WDR3: variants seen among roughly 807,000 people sequenced by gnomAD.
WDR3 encodes the protein WD repeat domain 3.
A neutral mutation model predicts 123.7 loss-of-function variants in WDR3; 81 were observed. The observed-to-expected ratio is 0.65, with a 90% CI of 0.55 to 0.79. The LOEUF (loss-of-function observed/expected upper bound fraction) is 0.79, where lower values mean the gene tolerates loss of function less well. WDR3 is among the 30% of genes least tolerant of loss of function. The pLI is 0.00. For missense variants in WDR3, 1,027 were observed against 1,123.2 expected (o/e 0.91, Z 1.22); for synonymous variants, 390 against 388.8 (o/e 1.00, Z -0.04).
In WDR3 at chr1:117,933,343, A is replaced by G; in HGVS notation, c.24A>G (p.Leu8=). The change falls in exon 2 of 27, where the codon CTA becomes CTG. Residue 8 remains leucine (L), a synonymous_variant. Coordinates refer to ENST00000349139, the MANE Select transcript of WDR3 (RefSeq NM_006784.3). ...ACATGGGGCTCACCAAGCAGTACCT[A>G]CGCTATGTTGCTAGTGCGGTCTTTG... MGLTKQY[L]RYVASAVFGV... 6.2e-7 allele frequency: 1 copy of G among 1,614,222 alleles called. No individual in the cohort carries two copies. Among genetic ancestry groups the G allele is most frequent in the Non-Finnish European group, 8.5e-7 (1 of 1,180,030 alleles).
chr1:117,959,227 C>T (rs1652672143), intron 26 of WDR3, 65 bp from the exon 27 acceptor site: 3 of 1,553,316 alleles, frequency 1.9e-6, no homozygotes, highest in African/African-American at 2.8e-5. Context: ...CCCTAACTCT[C>T]ATACGCTGCT....
In WDR3 at chr1:117,938,564, T is replaced by TGTAG. The variant is rs1342084942; in HGVS notation, c.579+8_579+11dup. ...TGGTTGGCCACCGGACTGAGGTAAG[T>TGTAG]GTAGGGTCATGGGCCCAGGGAAATA... On this transcript the variant is annotated splice_region_variant and intron_variant, in intron 5 of 26. Transcript: ENST00000349139. 1.2e-6 allele frequency: 2 copies of TGTAG among 1,612,498 alleles called. No individual in the cohort carries two copies. The highest frequency in any genetic ancestry group is 3.3e-5 in the Admixed American group (2 of 59,920).
intron 15 of WDR3, among the ~76,000 whole-genome samples, chr1:117,950,405 T>C (rs1002884451): frequency 3.9e-5 from 6 of 152,182 alleles, no homozygotes; most frequent in African/African-American, 1.4e-4. Context: ...TATAAGAGCA[T>C]TGCTAGGTGT....
intron 12 of WDR3, 144 bp from the exon 13 acceptor site, chr1:117,948,261 A>G: frequency 1.5e-6 from 1 of 655,846 alleles, no homozygotes; most frequent in Non-Finnish European, 2.7e-6. Context: ...GGAAATACAG[A>G]ACATGGAATG....
chr1:117,941,714 C>T, intron 8 of WDR3, 36 bp from the exon 9 acceptor site: 4 of 1,585,700 alleles, frequency 2.5e-6, no homozygotes, highest in Non-Finnish European at 3.4e-6. Context: ...TACAAATTAC[C>T]TCTCCTTGAC....
chr1:117,942,889 GTT>G (rs751258995), intron 10 of WDR3, among the ~76,000 whole-genome samples: 3,551 of 116,750 alleles, frequency 0.03, 149 homozygotes, highest in African/African-American at 0.1. Flanking sequence ...TCTGAGCCTA[GTT>G]TTTTTTTTTT....
At chr1:117,938,868 C>T (rs929196319) in intron 5 of WDR3, among the ~76,000 whole-genome samples, 11 of 152,098 alleles carry the variant, frequency 7.2e-5, no homozygotes, top group South Asian at 4.1e-4. Flanking sequence ...CAGCACCTAG[C>T]TTATTGACAG....
Position 117,952,359 on chromosome 1 carries a change from A to G in WDR3, c.1967A>G (p.Lys656Arg), listed in dbSNP as rs1301894390. The G allele has an allele frequency of 3.1e-6, 5 of 1,613,508 alleles. No homozygotes were observed. Among genetic ancestry groups the G allele is most frequent in the Non-Finnish European group, 4.2e-6 (5 of 1,179,574 alleles). Residue 656 changes from lysine (K) to arginine (R), a missense_variant, in exon 18 of 27, where the codon AAG becomes AGG. Physicochemically the swap from Lys to Arg is conservative, Grantham distance 26 (BLOSUM62 2). Coordinates refer to ENST00000349139, the MANE Select transcript of WDR3 (RefSeq NM_006784.3). ...TTCTTCACTGCCGGAAAAGATCATAAGATTAAACAGTGGGATGCAGACAAA... is the reference window on the plus strand; with the variant it reads ...TTCTTCACTGCCGGAAAAGATCATAGGATTAAACAGTGGGATGCAGACAAA... ...HLFFTAGKDH[K>R]IKQWDADKFE...
At position 117,953,971 on chromosome 1, in the gene WDR3, G is replaced by A. The variant is rs566724626; in HGVS notation, c.2269-36G>A. ...TCAGTGTCCTGGGATGATGGAGTAT[G>A]TTGTGATGACTTCTTTCCTTTCTCA... On this transcript the variant is annotated intron_variant, in intron 21 of 26. Coordinates refer to ENST00000349139, the MANE Select transcript of WDR3 (RefSeq NM_006784.3). The A allele has an allele frequency of 6.0e-5, 93 of 1,560,732 alleles. No homozygotes were observed. In the South Asian group the frequency reaches 1.0e-3, roughly 17 times the overall value.
intron 26 of WDR3, 121 bp downstream of exon 26, chr1:117,959,124 T>C: frequency 7.8e-7 from 1 of 1,287,630 alleles, no homozygotes. Context: ...ATATTTGAGA[T>C]AGTTTTTGTT....
At chr1:117,934,771 A>G (rs770889385) in intron 3 of WDR3, 89 bp downstream of exon 3, 30 of 1,329,854 alleles carry the variant, frequency 2.3e-5, no homozygotes, top group Middle Eastern at 2.6e-4. Flanking sequence ...TTGTCAGGTA[A>G]AACAATGGGC....
intron 2 of WDR3, 102 bp downstream of exon 2, chr1:117,933,592 G>T: frequency 2.0e-6 from 3 of 1,489,548 alleles, no homozygotes; most frequent in Non-Finnish European, 2.8e-6. Flanking sequence ...GAGTTTTTTT[G>T]TGTCTGTGCC....
In WDR3 at chr1:117,942,492, C is replaced by A; in HGVS notation, c.1045C>A (p.Leu349Met). 6.2e-7 allele frequency: 1 copy of A among 1,613,998 alleles called. No homozygotes were observed. Among genetic ancestry groups the A allele is most frequent in the Non-Finnish European group, 8.5e-7 (1 of 1,179,940 alleles). ...EDPEVNVEMS[L>M]QDEIQRVTNI... ...TCCTGAGGTTAATGTTGAAATGAGTCTGCAAGATGAAATCCAGCGGGTGAC... is the reference window on the plus strand; with the variant it reads ...TCCTGAGGTTAATGTTGAAATGAGTATGCAAGATGAAATCCAGCGGGTGAC... The change falls in exon 10 of 27, where the codon CTG becomes ATG. Residue 349 changes from leucine to methionine, a missense_variant. By Grantham distance (15) the Leu-to-Met change is conservative. Coordinates refer to ENST00000349139, the MANE Select transcript of WDR3 (RefSeq NM_006784.3).
Position 117,939,504 on chromosome 1 carries a change from G to A in WDR3, c.607G>A (p.Glu203Lys), listed in dbSNP as rs1421600311. The change falls in exon 6 of 27, where the codon GAA becomes AAA. Residue 203 changes from glutamate to lysine, a missense_variant. Transcript: ENST00000349139. Reference sequence around the variant, plus strand: ...ATGGGGGTTGGTTCTGTTGTCAGAAGAAAAGCGACTCATCACTGGGGCCTC... The same window carrying A: ...ATGGGGGTTGGTTCTGTTGTCAGAAAAAAAGCGACTCATCACTGGGGCCTC... ...EVWGLVLLSE[E>K]KRLITGASDS... 6.5e-7 allele frequency: 1 copy of A among 1,546,340 alleles called. No homozygotes were observed. Among genetic ancestry groups the A allele is most frequent in the South Asian group, 1.1e-5 (1 of 90,156 alleles).
intron 16 of WDR3, among the ~76,000 whole-genome samples, chr1:117,951,258 G>A (rs536299672): frequency 8.6e-5 from 13 of 151,826 alleles, no homozygotes; most frequent in African/African-American, 2.9e-4. Flanking sequence ...TGAGGAGCTC[G>A]GATTTATATT....
Position 117,950,834 on chromosome 1 carries a change from T to G in WDR3, c.1747T>G (p.Phe583Val), listed in dbSNP as rs1163862084. ...VKIFYVDTLKFFLSLYGHKLP... is the reference protein window; with the variant it reads ...VKIFYVDTLKVFLSLYGHKLP... ...TTAATTATGTTTTTTTGATGTTTAG[T>G]TTTTTCTGTCACTGTATGGACACAA... The change falls in exon 16 of 27, where the codon TTT (phenylalanine) becomes GTT (valine). Residue 583 changes from phenylalanine (F) to valine (V), a missense_variant and splice_region_variant. Physicochemically the swap from Phe to Val is conservative, Grantham distance 50 (BLOSUM62 -1). Transcript: ENST00000349139. 1.3e-5 allele frequency: 21 copies of G among 1,607,764 alleles called. No individual in the cohort carries two copies. The highest frequency in any genetic ancestry group is 1.6e-5 in the Non-Finnish European group (19 of 1,178,114).
At position 117,966,215 on chromosome 1, in the gene WDR3, G is replaced by A. The variant is rs1653822942; in HGVS notation, c.*6768G>A. On this transcript the variant is annotated 3_prime_UTR_variant, in exon 27 of 27. Coordinates refer to ENST00000349139, the MANE Select transcript of WDR3 (RefSeq NM_006784.3). ...CTTGATATCTATCTAATATCTGTTT[G>A]GCTGAAGACACTGATAAGGAGGAAT... 1 of 157,338 alleles carries A rather than the reference G, an allele frequency of 6.4e-6. No individual in the cohort carries two copies. Among genetic ancestry groups the A allele is most frequent in the African/African-American group, 2.4e-5 (1 of 41,520 alleles). 9.7% of individuals were successfully genotyped at this position (157,338 alleles called of 1,614,324 possible). A position where few individuals can be genotyped will look rare whatever the true frequency, so the allele number is the denominator to read the frequency against.
intron 6 of WDR3, 104 bp from the exon 7 acceptor site, chr1:117,940,723 G>A (rs1651113174): frequency 2.8e-6 from 3 of 1,060,212 alleles, no homozygotes; most frequent in Non-Finnish European, 4.2e-6. Context: ...GTAAGACTCT[G>A]TCTCCGACAA....
intron 1 of WDR3, among the ~76,000 whole-genome samples, chr1:117,930,415 C>G (rs1374692650): frequency 6.6e-6 from 1 of 152,024 alleles, no homozygotes; most frequent in African/African-American, 2.4e-5. Flanking sequence ...CTAAGTAAAA[C>G]GAATAATATG....
Sources: allele counts gnomAD v4.1 joint callset (sites outside exome capture counted in the v4.1 genomes callset), GRCh38; gene constraint gnomAD v4.1.1; transcripts MANE v1.5; gene names NCBI Gene and HGNC (gene_info 2026-07-23, HGNC 2026-07-21).